Variants in DNM3 observed in about 807,000 individuals in gnomAD.
DNM3 encodes the protein dynamin-3.
A neutral mutation model predicts 101.6 loss-of-function variants in DNM3; 47 were observed. The observed-to-expected ratio is 0.46, with a 90% CI of 0.37 to 0.59. DNM3 has a LOEUF of 0.59. Ranked by LOEUF, DNM3 falls within the 20% of genes least tolerant of loss-of-function variation. The pLI is 0.00. For missense variants in DNM3, 849 were observed against 1,085.7 expected (o/e 0.78, Z 3.06); for synonymous variants, 385 against 387.9 (o/e 0.99, Z 0.09).
At chr1:171,884,756 C>A (rs1306109504) in intron 1 of DNM3, among the ~76,000 whole-genome samples, 2 of 152,152 alleles carry the variant, frequency 1.3e-5, no homozygotes, top group Admixed American at 6.5e-5. Context: ...CAACAGGGTT[C>A]CCAAAAGCAT....
intron 10 of DNM3, among the ~76,000 whole-genome samples, chr1:172,067,864 A>G (rs572586864): frequency 6.6e-6 from 1 of 152,312 alleles, no homozygotes; most frequent in African/African-American, 2.4e-5. Context: ...TAAAAAGTTA[A>G]AGGAGTCTCT....
At position 172,407,917 on chromosome 1, in the gene DNM3, T is replaced by C; in HGVS notation, c.*76T>C. ...CATATTTGATAACCGTTGCAGTAAATCATGAGTAGTCGCATGTGTGGACAT... is the reference window on the plus strand; with the variant it reads ...CATATTTGATAACCGTTGCAGTAAACCATGAGTAGTCGCATGTGTGGACAT... On this transcript the variant is annotated 3_prime_UTR_variant, in exon 21 of 21. Transcript: ENST00000627582. 1.2e-6 allele frequency: 2 copies of C among 1,607,328 alleles called. No homozygotes were observed. Among genetic ancestry groups the C allele is most frequent in the Admixed American group, 3.3e-5 (2 of 59,786 alleles).
At chr1:171,916,415 A>G (rs2125300923) in intron 1 of DNM3, among the ~76,000 whole-genome samples, 1 of 152,292 alleles carries the variant, frequency 6.6e-6, no homozygotes, top group Middle Eastern at 3.4e-3. Context: ...CTGGTTAGTG[A>G]TACCATTGTT....
chr1:171,848,735 C>A (rs1284924313), intron 1 of DNM3, among the ~76,000 whole-genome samples: 1 of 152,136 alleles, frequency 6.6e-6, no homozygotes, highest in Non-Finnish European at 1.5e-5. Context: ...CATTGAGTGA[C>A]ATTGAGGTCC....
intron 9 of DNM3, among the ~76,000 whole-genome samples, chr1:172,044,853 T>C (rs2049653517): frequency 6.6e-6 from 1 of 152,174 alleles, no homozygotes; most frequent in Admixed American, 6.5e-5. Context: ...TGGAGGTTGT[T>C]ACTTTCAAGT....
chr1:172,357,265 T>A (rs751359722), intron 17 of DNM3, among the ~76,000 whole-genome samples: 1 of 152,010 alleles, frequency 6.6e-6, no homozygotes, highest in Non-Finnish European at 1.5e-5. Flanking sequence ...TAGCCTCAAA[T>A]ATCACCCGCA....
At chr1:172,052,553 T>C (rs1163953541) in intron 10 of DNM3, among the ~76,000 whole-genome samples, 1 of 152,206 alleles carries the variant, frequency 6.6e-6, no homozygotes, top group Non-Finnish European at 1.5e-5. Flanking sequence ...TCTACCCCAC[T>C]ACTCTATAGA....
intron 15 of DNM3, among the ~76,000 whole-genome samples, chr1:172,255,195 G>A (rs1329559454): frequency 3.9e-5 from 6 of 152,054 alleles, no homozygotes; most frequent in Admixed American, 2.0e-4. Flanking sequence ...ATTCAAATGG[G>A]ATTTTTGAAG....
In DNM3 at chr1:172,368,278, T is replaced by G. The variant is rs187371117; in HGVS notation, c.1894-10740T>G. Among the ~76,000 whole-genome samples the G allele has an allele frequency of 1.5e-3, 229 of 152,032 alleles. 1 individual carries two copies. Among genetic ancestry groups the G allele is most frequent in the African/African-American group, 5.3e-3 (222 of 41,522 alleles). ...AAATCAAAATCATATGAAATATATT[T>G]TCTTATCACAATGGAATAAAACTAG... is the stretch of plus-strand genomic sequence containing the variant. On this transcript the variant is annotated intron_variant, in intron 17 of 20. Transcript: ENST00000627582.
At chr1:172,004,525 G>A (rs2046551642) in intron 4 of DNM3, among the ~76,000 whole-genome samples, 1 of 151,966 alleles carries the variant, frequency 6.6e-6, no homozygotes, top group Non-Finnish European at 1.5e-5. Flanking sequence ...AAATGTGTGT[G>A]TGTGTTTGTG....
intron 4 of DNM3, among the ~76,000 whole-genome samples, chr1:171,992,087 G>A (rs12739399): frequency 2.6e-5 from 4 of 152,118 alleles, no homozygotes; most frequent in Non-Finnish European, 4.4e-5. Context: ...TATTTTATTT[G>A]TGTGTATTAT....
intron 4 of DNM3, among the ~76,000 whole-genome samples, chr1:172,025,766 C>T (rs566424611): frequency 6.6e-6 from 1 of 152,226 alleles, no homozygotes; most frequent in South Asian, 2.1e-4. Flanking sequence ...TCAACGTCAA[C>T]AAAAAGGACA....
At chr1:172,381,201 G>A (rs1400232221) in intron 18 of DNM3, among the ~76,000 whole-genome samples, 1 of 151,864 alleles carries the variant, frequency 6.6e-6, no homozygotes, top group Admixed American at 6.6e-5. Flanking sequence ...TATTATCCTC[G>A]GAGGTAAAGT....
intron 2 of DNM3, among the ~76,000 whole-genome samples, chr1:171,973,812 T>G (rs1385525174): frequency 2.0e-5 from 3 of 151,990 alleles, no homozygotes; most frequent in African/African-American, 7.3e-5. Context: ...TACAGGCATG[T>G]GCCATTATGC....
intron 14 of DNM3, among the ~76,000 whole-genome samples, chr1:172,159,542 A>G (rs946489053): frequency 4.6e-5 from 7 of 152,212 alleles, no homozygotes; most frequent in Admixed American, 2.0e-4. Flanking sequence ...CATGAAATCT[A>G]TCTTAAGAAG....
intron 14 of DNM3, chr1:172,132,988 A>G: frequency 2.0e-6 from 3 of 1,533,132 alleles, no homozygotes; most frequent in East Asian, 4.9e-5. Flanking sequence ...TCCAGAGCCT[A>G]TGCTTTCAAC....
intron 11 of DNM3, among the ~76,000 whole-genome samples, chr1:172,076,559 A>G (rs999685108): frequency 1.3e-5 from 2 of 152,174 alleles, no homozygotes; most frequent in Non-Finnish European, 2.9e-5. Flanking sequence ...CTTTTTCTCC[A>G]TCTATTGAGA....
intron 15 of DNM3, among the ~76,000 whole-genome samples, chr1:172,256,881 G>A (rs2062422115): frequency 6.9e-6 from 1 of 144,788 alleles, no homozygotes. Context: ...TTACCATTCA[G>A]TTCTGTTTCC....
At chr1:172,099,319 G>A (rs2054472412) in intron 13 of DNM3, among the ~76,000 whole-genome samples, 1 of 152,106 alleles carries the variant, frequency 6.6e-6, no homozygotes, top group South Asian at 2.1e-4. Context: ...GCTTCACATG[G>A]TCAGTAACAG....
Sources: gnomAD v4.1 joint callset for allele counts (sites outside exome capture counted in the v4.1 genomes callset) on GRCh38, gnomAD v4.1.1 for gene constraint, MANE v1.5 for transcripts, NCBI Gene and HGNC (gene_info 2026-07-23, HGNC 2026-07-21) for gene names.